The following AK5 variants were observed in gnomAD, a reference collection of about 807,000 sequenced individuals.
AK5 encodes the protein adenylate kinase 5.
Under a neutral mutation model 69.5 loss-of-function variants are expected in AK5, and 27 were observed. That is an observed-to-expected ratio of 0.39 (90% confidence interval 0.29 to 0.54). The LOEUF (loss-of-function observed/expected upper bound fraction) is 0.54. AK5 is among the 20% of genes least tolerant of loss of function. The pLI is 0.71. For synonymous variants in AK5, 260 were observed against 244.4 expected (o/e 1.06, Z -0.60); for missense variants, 531 against 700.4 (o/e 0.76, Z 2.73).
rs758609125 is a variant in AK5 at position 77,287,162 on chromosome 1, G to T, written c.247+35G>T. ...ATGGAGAATAATAGACAGTTTTATA[G>T]TTATAGCAATTCTCTTTAAAACATG... On this transcript the variant is annotated intron_variant, in intron 2 of 13. Coordinates refer to ENST00000354567, the MANE Select transcript of AK5 (RefSeq NM_174858.3). The T allele has an allele frequency of 4.3e-6, 6 of 1,393,580 alleles. No individual in the cohort carries two copies. The African/African-American group carries it at 7.4e-5, about 17-fold the overall frequency. 86.3% of individuals were successfully genotyped at this position (1,393,580 alleles called of 1,614,324 possible).
chr1:77,431,466 T>C (rs1184794496), intron 8 of AK5, among the ~76,000 whole-genome samples: 1 of 152,096 alleles, frequency 6.6e-6, no homozygotes, highest in African/African-American at 2.4e-5. Flanking sequence ...TTAGCAAATA[T>C]GTGGTTCAGA....
chr1:77,491,055 G>A lies in AK5; in HGVS notation c.1147+4703G>A, dbSNP rs1280979872. On this transcript the variant is annotated intron_variant, in intron 10 of 13. Coordinates refer to ENST00000354567, the MANE Select transcript of AK5 (RefSeq NM_174858.3). Reference sequence around the variant, plus strand: ...AATGTGTCTGGGACACACGTGGCCTGGTGTACATTGGCATTGATGCTGTGA... The same window carrying A: ...AATGTGTCTGGGACACACGTGGCCTAGTGTACATTGGCATTGATGCTGTGA... Among the ~76,000 whole-genome samples the A allele has an allele frequency of 2.6e-5, 4 of 152,098 alleles. No homozygotes were observed. In the East Asian group the frequency reaches 7.7e-4, roughly 29 times the overall value.
At chr1:77,283,065 G>C (rs920486369) in intron 1 of AK5, 11 of 985,490 alleles carry the variant, frequency 1.1e-5, no homozygotes, top group South Asian at 9.4e-5. Flanking sequence ...GGAGCTGCGA[G>C]GGGGGCGGAC....
chr1:77,363,473 A>G (rs1019798595), intron 6 of AK5, among the ~76,000 whole-genome samples: 2 of 152,218 alleles, frequency 1.3e-5, no homozygotes, highest in Non-Finnish European at 2.9e-5. Context: ...TTTAAAGTTA[A>G]TAAGATGATG....
intron 8 of AK5, among the ~76,000 whole-genome samples, chr1:77,445,786 T>C (rs535590438): frequency 6.6e-6 from 1 of 152,262 alleles, no homozygotes; most frequent in African/African-American, 2.4e-5. Flanking sequence ...GGTTTCACCA[T>C]GTTGGCCAGG....
intron 8 of AK5, among the ~76,000 whole-genome samples, chr1:77,441,856 T>C (rs1181479553): frequency 6.6e-6 from 1 of 152,028 alleles, no homozygotes; most frequent in Non-Finnish European, 1.5e-5. Context: ...CACTTGGGTA[T>C]TGGGGTGCAG....
intron 10 of AK5, among the ~76,000 whole-genome samples, chr1:77,507,185 G>A (rs1242822878): frequency 6.6e-6 from 1 of 152,230 alleles, no homozygotes; most frequent in Non-Finnish European, 1.5e-5. Context: ...ACGGGGCCAT[G>A]ATGAAAGCCC....
intron 6 of AK5, among the ~76,000 whole-genome samples, chr1:77,346,528 G>A (rs1466593007): frequency 6.6e-6 from 1 of 152,144 alleles, no homozygotes; most frequent in Non-Finnish European, 1.5e-5. Flanking sequence ...ATAGGGTCTG[G>A]CTGTGTTGCC....
chr1:77,312,435 C>A (rs1333946567), intron 5 of AK5, among the ~76,000 whole-genome samples: 2 of 151,832 alleles, frequency 1.3e-5, no homozygotes, highest in Non-Finnish European at 2.9e-5. Context: ...GCCAATATGG[C>A]AAAACCCTGT....
chr1:77,324,539 T>C (rs1234505075), intron 5 of AK5, among the ~76,000 whole-genome samples: 1 of 152,188 alleles, frequency 6.6e-6, no homozygotes, highest in Admixed American at 6.5e-5. Flanking sequence ...AGTGCAGTGA[T>C]AATTAGTAAT....
intron 6 of AK5, among the ~76,000 whole-genome samples, chr1:77,381,177 G>C (rs1401963642): frequency 6.6e-6 from 1 of 152,150 alleles, no homozygotes; most frequent in Non-Finnish European, 1.5e-5. Context: ...AGGGGCTAGA[G>C]AGACCTTTGG....
intron 13 of AK5, among the ~76,000 whole-genome samples, chr1:77,541,948 T>A (rs2100373568): frequency 6.6e-6 from 1 of 152,246 alleles, no homozygotes; most frequent in Admixed American, 6.5e-5. Context: ...TTTTTTTCTG[T>A]ACTTTATTGA....
intron 13 of AK5, among the ~76,000 whole-genome samples, chr1:77,550,832 T>C (rs2172727): frequency 0.7 from 105,758 of 152,042 alleles, 37,505 homozygotes; most frequent in Non-Finnish European, 0.77. Flanking sequence ...GGAGAGTAGA[T>C]AAAAGGTTTT....
chr1:77,324,161 G>C (rs908571606), intron 5 of AK5, among the ~76,000 whole-genome samples: 4 of 152,166 alleles, frequency 2.6e-5, no homozygotes, highest in Non-Finnish European at 5.9e-5. Context: ...GTAGGGTGAA[G>C]ATTAGCCTGC....
chr1:77,282,281 C>G lies in AK5; in HGVS notation c.-33C>G. ...AGGTCGCCGCAGCCCGGGAGCCTCCCCGCTTGCGCCCCAAGGCACGCGCGG... is the reference window on the plus strand; with the variant it reads ...AGGTCGCCGCAGCCCGGGAGCCTCCGCGCTTGCGCCCCAAGGCACGCGCGG... On this transcript the variant is annotated 5_prime_UTR_variant, in exon 1 of 14. Coordinates refer to ENST00000354567, the MANE Select transcript of AK5 (RefSeq NM_174858.3). 1 of 1,538,680 alleles carries G rather than the reference C, an allele frequency of 6.5e-7. No homozygotes were observed. The highest frequency in any genetic ancestry group is 8.8e-7 in the Non-Finnish European group (1 of 1,140,784).
intron 5 of AK5, among the ~76,000 whole-genome samples, chr1:77,300,817 G>A (rs544495150): frequency 6.6e-6 from 1 of 152,222 alleles, no homozygotes; most frequent in Admixed American, 6.5e-5. Context: ...CTCTCCACAG[G>A]TTGTATAATT....
chr1:77,497,881 C>A (rs1656444146), intron 10 of AK5, among the ~76,000 whole-genome samples: 1 of 152,116 alleles, frequency 6.6e-6, no homozygotes, highest in African/African-American at 2.4e-5. Context: ...TGCACCTGGC[C>A]AGTTTTAAAC....
Position 77,483,339 on chromosome 1 carries a change from T to G in AK5, c.1082T>G (p.Phe361Cys). The G allele has an allele frequency of 6.2e-7, 1 of 1,612,706 alleles. No homozygotes were observed. Among genetic ancestry groups the G allele is most frequent in the South Asian group, 1.1e-5 (1 of 91,032 alleles). Residue 361 changes from phenylalanine (F) to cysteine (C), a missense_variant, in exon 9 of 14, where the codon TTT becomes TGT. By Grantham distance (205) the Phe-to-Cys change is radical (BLOSUM62 -2). Transcript: ENST00000354567. ...CAGGGTGATGACCAGTTAAATGTAT[T>G]TGGAGAGGACACTATGGGAGGTGAG... ...EDQGDDQLNV[F>C]GEDTMGGFME...
At chr1:77,319,872 G>A (rs887527975) in intron 5 of AK5, among the ~76,000 whole-genome samples, 1 of 152,202 alleles carries the variant, frequency 6.6e-6, no homozygotes, top group African/African-American at 2.4e-5. Context: ...ATGTGTACAA[G>A]TGTGCCCCAC....
Sources: allele counts gnomAD v4.1 joint callset (sites outside exome capture counted in the v4.1 genomes callset), GRCh38; gene constraint gnomAD v4.1.1; transcripts MANE v1.5; gene names NCBI Gene and HGNC (gene_info 2026-07-23, HGNC 2026-07-21).